BCAR3: variants seen among roughly 807,000 people sequenced by gnomAD.
The protein encoded by BCAR3 is BCAR3 adaptor protein, NSP family member, also known as breast cancer anti-estrogen resistance protein 3.
In BCAR3, 37 loss-of-function variants were observed where a neutral mutation model predicts 80.1. The ratio of observed to expected loss-of-function variants is 0.46; its 90% CI spans 0.36 to 0.61. The LOEUF is 0.61. Ranked by LOEUF, BCAR3 falls within the 20% of genes least tolerant of loss-of-function variation. The pLI is 0.00. For missense variants in BCAR3, 978 were observed against 1,068.2 expected (o/e 0.92, Z 1.18); for synonymous variants, 389 against 418.9 (o/e 0.93, Z 0.87).
intron 1 of BCAR3, among the ~76,000 whole-genome samples, chr1:93,679,616 C>T (rs934071765): frequency 1.3e-5 from 2 of 152,226 alleles, no homozygotes; most frequent in African/African-American, 4.8e-5. Flanking sequence ...GTCAAAGACT[C>T]TGCATCTTGA....
At chr1:93,846,324 G>GCC (rs1655177829) in intron 1 of BCAR3, among the ~76,000 whole-genome samples, 3 of 152,214 alleles carry the variant, frequency 2.0e-5, no homozygotes, top group Non-Finnish European at 4.4e-5. Flanking sequence ...ACGGGCTGTG[G>GCC]CCGAGCCGAG....
chr1:93,756,851 C>T (rs917760658), intron 2 of BCAR3, among the ~76,000 whole-genome samples: 1 of 152,168 alleles, frequency 6.6e-6, no homozygotes, highest in African/African-American at 2.4e-5. Context: ...TAGTCCCTGG[C>T]ATTCCTATGG....
chr1:93,644,123 T>G (rs919750419), intron 2 of BCAR3, among the ~76,000 whole-genome samples: 1 of 152,248 alleles, frequency 6.6e-6, no homozygotes, highest in Non-Finnish European at 1.5e-5. Context: ...TATTTTGGAA[T>G]GGCCCTGCAA....
intron 2 of BCAR3, among the ~76,000 whole-genome samples, chr1:93,790,565 T>G (rs1321410536): frequency 2.0e-5 from 3 of 151,652 alleles, no homozygotes; most frequent in Non-Finnish European, 4.4e-5. Context: ...GCAGTATAAT[T>G]TAAATCAAAT....
chr1:93,842,641 T>C (rs1654999862), intron 2 of BCAR3, among the ~76,000 whole-genome samples: 3 of 152,168 alleles, frequency 2.0e-5, no homozygotes, highest in Admixed American at 6.5e-5. Context: ...TCCCCTCCTA[T>C]AGTAATCACT....
At chr1:93,694,855 C>G (rs920342951) in intron 3 of BCAR3, among the ~76,000 whole-genome samples, 1 of 152,220 alleles carries the variant, frequency 6.6e-6, no homozygotes, top group Non-Finnish European at 1.5e-5. Flanking sequence ...TCAAAGCCAC[C>G]CACTCCTGTC....
chr1:93,748,877 G>C (rs1344055615), intron 2 of BCAR3, among the ~76,000 whole-genome samples: 2 of 152,132 alleles, frequency 1.3e-5, no homozygotes, highest in Non-Finnish European at 2.9e-5. Flanking sequence ...TAGGAACTGT[G>C]TCCTATGCTT....
At chr1:93,774,957 A>G (rs533830874) in intron 2 of BCAR3, among the ~76,000 whole-genome samples, 1 of 152,328 alleles carries the variant, frequency 6.6e-6, no homozygotes, top group South Asian at 2.1e-4. Flanking sequence ...ATTAAACACA[A>G]ACCACATTTT....
At position 93,576,503 on chromosome 1, in the gene BCAR3, C is replaced by T. The variant is rs111739759; in HGVS notation, c.1687-374G>A. ...ACAGCAAGGCTGCATGTGTTCGGAG[C>T]TGACCGATCCCCTGCAGTGGAAGAG... On this transcript the variant is annotated intron_variant, in intron 7 of 11. Coordinates refer to ENST00000260502, the MANE Select transcript of BCAR3 (RefSeq NM_003567.4). Among the ~76,000 whole-genome samples the T allele has an allele frequency of 9.2e-4, 140 of 152,354 alleles. 1 individual carries two copies. Among genetic ancestry groups the T allele is most frequent in the African/African-American group, 3.2e-3 (135 of 41,584 alleles).
At chr1:93,783,263 G>T (rs1652825802) in intron 2 of BCAR3, among the ~76,000 whole-genome samples, 1 of 152,142 alleles carries the variant, frequency 6.6e-6, no homozygotes, top group South Asian at 2.1e-4. Flanking sequence ...GTTATAGGGG[G>T]CTTTCCTGTA....
chr1:93,765,042 C>G (rs1652098113), intron 2 of BCAR3, among the ~76,000 whole-genome samples: 1 of 152,154 alleles, frequency 6.6e-6, no homozygotes, highest in African/African-American at 2.4e-5. Context: ...TCCCCAAGGT[C>G]AGGATGAGCT....
At chr1:93,781,620 C>G (rs902930598) in intron 2 of BCAR3, among the ~76,000 whole-genome samples, 10 of 152,128 alleles carry the variant, frequency 6.6e-5, no homozygotes, top group African/African-American at 2.4e-4. Context: ...TGCCTGAGGT[C>G]GCACAACTAG....
intron 2 of BCAR3, among the ~76,000 whole-genome samples, chr1:93,746,285 A>G (rs960473139): frequency 6.6e-6 from 1 of 152,226 alleles, no homozygotes; most frequent in African/African-American, 2.4e-5. Context: ...AGATGGAAAG[A>G]GATGCACTGG....
chr1:93,813,418 C>T (rs1169476082), intron 2 of BCAR3, among the ~76,000 whole-genome samples: 1 of 152,154 alleles, frequency 6.6e-6, no homozygotes, highest in Admixed American at 6.5e-5. Context: ...TCGGGTGTGG[C>T]TACCACAAGT....
At chr1:93,747,923 T>TCACC (rs1651413659) in intron 2 of BCAR3, among the ~76,000 whole-genome samples, 1 of 7,632 alleles carries the variant, frequency 1.3e-4, no homozygotes, top group South Asian at 0.011. Flanking sequence ...TGCTCCAACA[T>TCACC]TACCTGCCAG....
rs986818748 is a variant in BCAR3, at chr1:93,614,095, T to G, written c.358-21702A>C. On this transcript the variant is annotated intron_variant, in intron 3 of 11. Transcript: ENST00000260502. ...GAGTCGGCTCCTTCTCCCAGGCTAGTCTGGGACTTTTCCCCTCTGCTGAAG... is the reference window on the plus strand; with the variant it reads ...GAGTCGGCTCCTTCTCCCAGGCTAGGCTGGGACTTTTCCCCTCTGCTGAAG... 2.0e-5 allele frequency: 29 copies of G among 1,420,220 alleles called. No individual in the cohort carries two copies. The African/African-American group carries it at 4.0e-4, about 20-fold the overall frequency. The allele number at this position is 1,420,220 out of a possible 1,614,324, so 88.0% of individuals were successfully genotyped here. A position where few individuals can be genotyped will look rare whatever the true frequency, so the allele number is the denominator to read the frequency against.
At chr1:93,667,448 T>C (rs1647980896) in intron 2 of BCAR3, among the ~76,000 whole-genome samples, 1 of 152,240 alleles carries the variant, frequency 6.6e-6, no homozygotes, top group African/African-American at 2.4e-5. Flanking sequence ...GAACTTGCTA[T>C]AGAGTTCACA....
chr1:93,833,338 T>C (rs891053323), intron 2 of BCAR3, among the ~76,000 whole-genome samples: 1 of 152,030 alleles, frequency 6.6e-6, no homozygotes, highest in Non-Finnish European at 1.5e-5. Flanking sequence ...AGGGCAAAAT[T>C]AGAATCACTA....
chr1:93,607,465 G>C (rs543906247), intron 3 of BCAR3, among the ~76,000 whole-genome samples: 125 of 152,144 alleles, frequency 8.2e-4, no homozygotes, highest in Non-Finnish European at 1.4e-3. Context: ...AGGACAGATG[G>C]GAGGCTTCAG....
Sources: gnomAD v4.1 joint callset for allele counts (sites outside exome capture counted in the v4.1 genomes callset) on GRCh38, gnomAD v4.1.1 for gene constraint, MANE v1.5 for transcripts, NCBI Gene and HGNC (gene_info 2026-07-23, HGNC 2026-07-21) for gene names.